Variants in LRP1B observed in about 807,000 individuals in gnomAD.
LRP1B encodes low-density lipoprotein receptor-related protein 1B.
LRP1B carries 217 observed loss-of-function variants against 556.6 expected under a neutral mutation model. The observed-to-expected ratio is 0.39, with a 90% confidence interval of 0.35 to 0.44. LRP1B has a LOEUF of 0.44. LRP1B is among the 20% of genes least tolerant of loss of function. The pLI, the probability that LRP1B is intolerant of heterozygous loss-of-function variation, is 1.00. For missense variants in LRP1B, 5,053 were observed against 5,620.8 expected (o/e 0.90, Z 3.23); for synonymous variants, 2,047 against 1,865.8 (o/e 1.10, Z -2.50).
At chr2:140,373,346 A>G (rs1277097293) in intron 68 of LRP1B, among the ~76,000 whole-genome samples, 11 of 152,162 alleles carry the variant, frequency 7.2e-5, no homozygotes, top group Non-Finnish European at 1.5e-5. Context: ...CAACTTATGC[A>G]TAGAAACCCA....
intron 1 of LRP1B, among the ~76,000 whole-genome samples, chr2:142,005,887 A>AAAAAAAAAAAG (rs994584820): frequency 7.2e-6 from 1 of 138,746 alleles, no homozygotes; most frequent in Non-Finnish European, 1.5e-5. Context: ...TCCTCTCATG[A>AAAAAAAAAAAG]AAAAAAAAAA....
chr2:141,290,106 T>A (rs954375082), intron 3 of LRP1B, among the ~76,000 whole-genome samples: 6 of 152,132 alleles, frequency 3.9e-5, no homozygotes, highest in Non-Finnish European at 7.4e-5. Context: ...CTCATGAACA[T>A]TCAATACACC....
chr2:141,108,295 T>G (rs1236440866), intron 7 of LRP1B, among the ~76,000 whole-genome samples: 1 of 151,532 alleles, frequency 6.6e-6, no homozygotes, highest in Non-Finnish European at 1.5e-5. Flanking sequence ...AGCAAAGATA[T>G]TTTAATCATT....
intron 3 of LRP1B, among the ~76,000 whole-genome samples, chr2:141,441,018 G>A (rs1680943299): frequency 6.6e-6 from 1 of 151,220 alleles, no homozygotes; most frequent in Admixed American, 6.6e-5. Context: ...AAATTATCTA[G>A]CTCAAAATGT....
intron 1 of LRP1B, among the ~76,000 whole-genome samples, chr2:142,107,674 C>A (rs1370159089): frequency 2.0e-5 from 3 of 152,020 alleles, no homozygotes; most frequent in Admixed American, 6.6e-5. Flanking sequence ...GTTTCCCAGG[C>A]TGAAGCGCAG....
intron 7 of LRP1B, among the ~76,000 whole-genome samples, chr2:141,187,148 T>G (rs1198275857): frequency 6.6e-6 from 1 of 152,106 alleles, no homozygotes; most frequent in Non-Finnish European, 1.5e-5. Flanking sequence ...TACGACTTCT[T>G]TTCCTAATGT....
chr2:140,272,171 A>G (rs1682487601), intron 85 of LRP1B, among the ~76,000 whole-genome samples: 1 of 151,842 alleles, frequency 6.6e-6, no homozygotes, highest in Admixed American at 6.6e-5. Flanking sequence ...TAAAATCATT[A>G]CAATACATCA....
intron 6 of LRP1B, among the ~76,000 whole-genome samples, chr2:141,220,500 C>T (rs2380968): frequency 0.031 from 4,777 of 151,782 alleles, 262 homozygotes; most frequent in African/African-American, 0.11. Context: ...ACATACTTCA[C>T]GACATCCAGG....
intron 23 of LRP1B, among the ~76,000 whole-genome samples, chr2:140,894,566 A>T (rs950327838): frequency 2.0e-5 from 3 of 152,174 alleles, no homozygotes; most frequent in Non-Finnish European, 2.9e-5. Context: ...ACAGAATTAC[A>T]GATAATTGAG....
chr2:141,332,726 A>T (rs1008888428), intron 3 of LRP1B, among the ~76,000 whole-genome samples: 19 of 147,590 alleles, frequency 1.3e-4, no homozygotes, highest in Admixed American at 8.1e-4. Flanking sequence ...TTATTTTTTT[A>T]TATATATATA....
At chr2:142,008,952 C>T (rs558131979) in intron 1 of LRP1B, among the ~76,000 whole-genome samples, 186 of 152,144 alleles carry the variant, frequency 1.2e-3, no homozygotes, top group African/African-American at 4.1e-3. Flanking sequence ...GTGATTCCAC[C>T]ACCCAGAACC....
chr2:141,714,562 CTGAATGTACCTAT>C (rs1282391222), intron 2 of LRP1B, among the ~76,000 whole-genome samples: 43 of 145,310 alleles, frequency 3.0e-4, no homozygotes, highest in African/African-American at 1.1e-3. Flanking sequence ...TCCTTTTGAT[CTGAATGTACCTAT>C]TGATTTATAA....
intron 2 of LRP1B, among the ~76,000 whole-genome samples, chr2:141,482,719 GT>G (rs1169489198): frequency 1.3e-5 from 2 of 151,948 alleles, no homozygotes; most frequent in Non-Finnish European, 2.9e-5. Context: ...ACATCATAAA[GT>G]AGCTTTTTAA....
rs530392154 is a variant in LRP1B, at chr2:141,825,667, GT to G, written c.83-15267del. Among the ~76,000 whole-genome samples the G allele has an allele frequency of 2.6e-5, 4 of 152,178 alleles. No homozygotes were observed. The South Asian group carries it at 8.3e-4, about 32-fold the overall frequency. The stretch of plus-strand genomic sequence containing the variant: ...TGAAATATGACGAAAAGTTCAATGG[GT>G]TTCCCAAACATAACCATAAGAAACA... On this transcript the variant is annotated intron_variant, in intron 1 of 90. Coordinates refer to ENST00000389484, the MANE Select transcript of LRP1B (RefSeq NM_018557.3).
chr2:141,744,909 A>G (rs1693857143), intron 2 of LRP1B, among the ~76,000 whole-genome samples: 1 of 152,274 alleles, frequency 6.6e-6, no homozygotes, highest in Middle Eastern at 3.4e-3. Context: ...AGCACATCTT[A>G]AGCCCAGTAA....
intron 3 of LRP1B, among the ~76,000 whole-genome samples, chr2:141,303,296 T>C (rs1686463302): frequency 6.6e-6 from 1 of 152,096 alleles, no homozygotes; most frequent in Non-Finnish European, 1.5e-5. Flanking sequence ...TTTCAAGTCC[T>C]CTCTTCTAGT....
rs2105053578 is a variant in LRP1B, at chr2:141,960,615, AT to A, written c.83-150215del. On this transcript the variant is annotated intron_variant, in intron 1 of 90. Transcript: ENST00000389484. ...TAAAATGCTTTCAAACACTTCTTAA[AT>A]TTTAAGAAACCAGAAATGTTTAATT... Among the ~76,000 whole-genome samples, 3 of 152,018 alleles carry A rather than the reference AT, an allele frequency of 2.0e-5. No homozygotes were observed. In the South Asian group the frequency reaches 6.2e-4, roughly 31 times the overall value.
intron 2 of LRP1B, among the ~76,000 whole-genome samples, chr2:141,560,315 G>A (rs1458296211): frequency 6.6e-6 from 1 of 151,748 alleles, no homozygotes; most frequent in Non-Finnish European, 1.5e-5. Flanking sequence ...ATACTGGGAA[G>A]AGGGTGTGAT....
At chr2:141,282,510 T>TATG (rs1685547017) in intron 3 of LRP1B, among the ~76,000 whole-genome samples, 1 of 151,580 alleles carries the variant, frequency 6.6e-6, no homozygotes, top group Non-Finnish European at 1.5e-5. Context: ...TGTATATGTA[T>TATG]ATGTATATCT....
Sources: gnomAD v4.1 joint callset for allele counts (sites outside exome capture counted in the v4.1 genomes callset) on GRCh38, gnomAD v4.1.1 for gene constraint, MANE v1.5 for transcripts, NCBI Gene and HGNC (gene_info 2026-07-23, HGNC 2026-07-21) for gene names.